ACTR3C: variants seen among roughly 807,000 people sequenced by gnomAD.
ACTR3C encodes the protein actin related protein 3C, also known as actin-related protein 3C.
A neutral mutation model predicts 26.3 loss-of-function variants in ACTR3C; 18 were observed. That is an observed-to-expected ratio of 0.68 (90% CI 0.47 to 1.01). ACTR3C has a LOEUF of 1.01. Among genes scored for constraint, ACTR3C ranks in the 50% least tolerant of loss-of-function variants. The pLI is 0.00. For missense variants in ACTR3C, 184 were observed against 250.7 expected, an observed-to-expected ratio of 0.73 and a Z score of 1.80; for synonymous variants, 55 against 94.5, an observed-to-expected ratio of 0.58 and a Z score of 2.42.
the ACTR3C span, among the ~76,000 whole-genome samples, chr7:150,233,503 GTTC>G: frequency 1.3e-5 from 2 of 149,996 alleles, no homozygotes; most frequent in African/African-American, 5.0e-5. Context: ...TCTTGTTCTT[GTTC>G]TTCTCCTTCT....
At chr7:149,889,132 A>C in the ACTR3C span, among the ~76,000 whole-genome samples, 1 of 152,188 alleles carries the variant, frequency 6.6e-6, no homozygotes, top group Non-Finnish European at 1.5e-5. Flanking sequence ...TGTATCTTGA[A>C]TATATAAAGA....
intron 6 of ACTR3C, among the ~76,000 whole-genome samples, chr7:150,255,242 A>ATT (rs745713614): frequency 3.4e-4 from 29 of 85,594 alleles, no homozygotes; most frequent in African/African-American, 8.0e-4. Flanking sequence ...TTTGTAGGGG[A>ATT]TTTTTTTTTT....
chr7:149,901,573 A>G, the ACTR3C span, among the ~76,000 whole-genome samples: 2 of 151,964 alleles, frequency 1.3e-5, no homozygotes, highest in Non-Finnish European at 2.9e-5. Flanking sequence ...ACTAGAAAAT[A>G]AAACACTTCA....
At chr7:150,111,118 C>G in the ACTR3C span, among the ~76,000 whole-genome samples, 1 of 146,646 alleles carries the variant, frequency 6.8e-6, no homozygotes, top group East Asian at 2.0e-4. Flanking sequence ...CCAAGCATCC[C>G]CAGTGTTCTC....
the ACTR3C span, among the ~76,000 whole-genome samples, chr7:149,990,377 C>G: frequency 0.012 from 1,530 of 132,846 alleles, 27 homozygotes; most frequent in African/African-American, 0.04. Context: ...GCCACTGAAT[C>G]TCCAGCACGC....
chr7:150,091,080 T>C, the ACTR3C span, among the ~76,000 whole-genome samples: 1 of 150,094 alleles, frequency 6.7e-6, no homozygotes, highest in Non-Finnish European at 1.5e-5. Context: ...GTGGAGAACA[T>C]CATGAATTTC....
intron 1 of ACTR3C, among the ~76,000 whole-genome samples, chr7:150,297,641 C>T (rs1264091140): frequency 3.9e-5 from 6 of 152,228 alleles, no homozygotes; most frequent in Non-Finnish European, 5.9e-5. Context: ...CACCTGAGGT[C>T]AGGAGTTTGA....
chr7:150,150,453 G>A, the ACTR3C span, among the ~76,000 whole-genome samples: 1 of 151,748 alleles, frequency 6.6e-6, no homozygotes, highest in Admixed American at 6.6e-5. Context: ...CCCTCTTAGT[G>A]TCAAATCTCA....
At chr7:149,969,330 T>TGTGA in the ACTR3C span, among the ~76,000 whole-genome samples, 68 of 107,494 alleles carry the variant, frequency 6.3e-4, 1 homozygote, top group Middle Eastern at 6.1e-3. Flanking sequence ...TGTGTGTGTG[T>TGTGA]GATGCTGCCC....
At chr7:150,312,405 A>G (rs1796405468) in intron 1 of ACTR3C, among the ~76,000 whole-genome samples, 1 of 152,250 alleles carries the variant, frequency 6.6e-6, no homozygotes, top group Middle Eastern at 3.2e-3. Flanking sequence ...AAAGGGTAAT[A>G]TAATAGATCA....
At chr7:150,127,708 C>T in the ACTR3C span, among the ~76,000 whole-genome samples, 133 of 149,660 alleles carry the variant, frequency 8.9e-4, no homozygotes, top group African/African-American at 3.1e-3. Flanking sequence ...AAAATTTTTG[C>T]GACTTGTATT....
the ACTR3C span, among the ~76,000 whole-genome samples, chr7:150,075,824 T>C: frequency 2.0e-4 from 30 of 152,266 alleles, no homozygotes; most frequent in Middle Eastern, 6.8e-3. Flanking sequence ...CTGGTGCATC[T>C]TACACAGACT....
At position 150,250,202 on chromosome 7, in the gene ACTR3C, C is replaced by CTTTT. The variant is rs1192764981; in HGVS notation, c.565-1152_565-1149dup. ...ATGAGCAAGAAATGACAGAATCTGA[C>CTTTT]TTTTTTTTTTTTTTTTTTTGAGACG... On this transcript the variant is annotated intron_variant, in intron 6 of 7. Transcript: ENST00000683684. Among the ~76,000 whole-genome samples, 47 of 125,488 alleles carry CTTTT rather than the reference C, an allele frequency of 3.7e-4. 4 individuals carry two copies. Among genetic ancestry groups the CTTTT allele is most frequent in the Middle Eastern group, 3.9e-3 (1 of 256 alleles). The allele number at this position is 125,488 out of a possible 152,430, so 82.3% of individuals were successfully genotyped here.
the ACTR3C span, among the ~76,000 whole-genome samples, chr7:150,102,715 A>G: frequency 6.6e-6 from 1 of 151,644 alleles, no homozygotes; most frequent in Non-Finnish European, 1.5e-5. Flanking sequence ...TCCCTTCAAC[A>G]GGGCCACCTT....
At chr7:149,917,635 CTTTTT>C in the ACTR3C span, among the ~76,000 whole-genome samples, 8 of 93,638 alleles carry the variant, frequency 8.5e-5, no homozygotes, top group African/African-American at 3.6e-4. Flanking sequence ...TGTTTTACAT[CTTTTT>C]TTTTTTTTTT....
chr7:149,972,981 G>A, the ACTR3C span, among the ~76,000 whole-genome samples: 1 of 152,118 alleles, frequency 6.6e-6, no homozygotes, highest in Non-Finnish European at 1.5e-5. Context: ...CCTGTCCCAG[G>A]TAAGCCCCGT....
At chr7:150,130,773 C>T in the ACTR3C span, among the ~76,000 whole-genome samples, 1 of 152,152 alleles carries the variant, frequency 6.6e-6, no homozygotes, top group Non-Finnish European at 1.5e-5. Context: ...TGAGTTATGT[C>T]CATATAACGA....
the ACTR3C span, among the ~76,000 whole-genome samples, chr7:149,999,798 G>A: frequency 1.3e-5 from 2 of 151,836 alleles, no homozygotes; most frequent in Admixed American, 6.6e-5. Context: ...GGGAGCACAC[G>A]GTGAATACCC....
chr7:149,893,896 A>G, the ACTR3C span, among the ~76,000 whole-genome samples: 3 of 152,242 alleles, frequency 2.0e-5, no homozygotes, highest in Middle Eastern at 3.2e-3. Context: ...CCTTATCAAA[A>G]TACCAATGGC....
Sources: allele counts gnomAD v4.1 joint callset (sites outside exome capture counted in the v4.1 genomes callset), GRCh38; gene constraint gnomAD v4.1.1; transcripts MANE v1.5; gene names NCBI Gene and HGNC (gene_info 2026-07-23, HGNC 2026-07-21).